The following A1CF variants were observed in gnomAD, a reference collection of about 807,000 sequenced individuals.
A1CF encodes APOBEC-1 stimulating protein.
In A1CF, 48 loss-of-function variants were observed where a neutral mutation model predicts 68.9. That is an observed-to-expected ratio of 0.70 (90% CI 0.55 to 0.89). A1CF has a LOEUF of 0.89. Ranked by LOEUF, A1CF falls within the 40% of genes least tolerant of loss-of-function variation. A1CF has a pLI of 0.00. For synonymous variants in A1CF, 272 were observed against 260.4 expected, an observed-to-expected ratio of 1.04 and a Z score of -0.43; for missense variants, 653 against 718.9, an observed-to-expected ratio of 0.91 and a Z score of 1.05.
Position 50,806,669 on chromosome 10 carries a change from T to C in A1CF, c.*60A>G. 1.3e-6 allele frequency: 2 copies of C among 1,487,324 alleles called. No homozygotes were observed. The highest frequency in any genetic ancestry group is 1.8e-6 in the Non-Finnish European group (2 of 1,112,764). The allele number at this position is 1,487,324 out of a possible 1,614,324, so 92.1% of individuals were successfully genotyped here. A position where few individuals can be genotyped will look rare whatever the true frequency, so the allele number is the denominator to read the frequency against. On this transcript the variant is annotated 3_prime_UTR_variant, in exon 13 of 13. Transcript: ENST00000373997. ...CATTGGGGACCGAGTTAGAGGTTTA[T>C]TTCTTTTTTTTTTTTAATAGAGTTT...
At position 50,840,196 on chromosome 10, in the gene A1CF, A is replaced by G. The variant is rs139832273; in HGVS notation, c.365+1666T>C. On this transcript the variant is annotated intron_variant, in intron 5 of 12. Coordinates refer to ENST00000373997, the MANE Select transcript of A1CF (RefSeq NM_014576.4). ...TCAAATTTAAGATCTACCCATTTTA[A>G]GGTGCAGTTCTCTTTCAGAAGGGGA... Among the ~76,000 whole-genome samples, 819 of 152,242 alleles carry G rather than the reference A, an allele frequency of 5.4e-3. 9 individuals are homozygous for G. The highest frequency in any genetic ancestry group is 0.019 in the African/African-American group (804 of 41,534).
intron 8 of A1CF, chr10:50,816,506 G>A (rs1838379545): frequency 1.1e-5 from 6 of 531,898 alleles, no homozygotes; most frequent in Non-Finnish European, 2.0e-5. Context: ...TGACATATTG[G>A]CCAGTGTCCA....
Position 50,814,045 on chromosome 10 carries a change from G to C in A1CF, c.1142-7C>G. 6.2e-7 allele frequency: 1 copy of C among 1,612,966 alleles called. No individual in the cohort carries two copies. Among genetic ancestry groups the C allele is most frequent in the Non-Finnish European group, 8.5e-7 (1 of 1,179,634 alleles). ...CCTCTCACTCCCGCAGCCCCTACAGGTACATTCATGTAAATTTCTAGGAAC... is the reference window on the plus strand; with the variant it reads ...CCTCTCACTCCCGCAGCCCCTACAGCTACATTCATGTAAATTTCTAGGAAC... On this transcript the variant is annotated splice_region_variant and splice_polypyrimidine_tract_variant and intron_variant, in intron 9 of 12. Coordinates refer to ENST00000373997, the MANE Select transcript of A1CF (RefSeq NM_014576.4).
intron 3 of A1CF, among the ~76,000 whole-genome samples, chr10:50,850,473 A>C (rs1448088601): frequency 6.6e-6 from 1 of 152,274 alleles, no homozygotes; most frequent in Non-Finnish European, 1.5e-5. Flanking sequence ...CATTCATAAG[A>C]ATATTGAATT....
chr10:50,832,156 A>G (rs1463087966), intron 6 of A1CF, among the ~76,000 whole-genome samples: 1 of 152,226 alleles, frequency 6.6e-6, no homozygotes, highest in African/African-American at 2.4e-5. Flanking sequence ...ATGGTATGGA[A>G]TCAACCTAAA....
In A1CF at chr10:50,813,839, T is replaced by C. The variant is rs1381044093; in HGVS notation, c.1323+18A>G. 1.9e-6 allele frequency: 3 copies of C among 1,609,516 alleles called. No individual in the cohort carries two copies. The highest frequency in any genetic ancestry group is 2.2e-5 in the South Asian group (2 of 90,962). ...TGGCACAACTTAAAGAAACTATTTC[T>C]GGAATAACATTACCTACCTGGGGAG... On this transcript the variant is annotated intron_variant, in intron 10 of 12. Coordinates refer to ENST00000373997, the MANE Select transcript of A1CF (RefSeq NM_014576.4).
chr10:50,836,090 C>T lies in A1CF; in HGVS notation c.588G>A (p.Arg196=), dbSNP rs1839474331. ...YESHRAAAMA[R]RKLLPGRIQL... Reference sequence around the variant, plus strand: ...ATTGCTAACCTGGTAGCAGTTTCCTCCTCGCCATGGCAGCTGCTCGATGAC... The same window carrying T: ...ATTGCTAACCTGGTAGCAGTTTCCTTCTCGCCATGGCAGCTGCTCGATGAC... The change falls in exon 6 of 13, where the codon AGG becomes AGA. Residue 196 remains arginine, a synonymous_variant. Transcript: ENST00000373997. 1 of 1,609,480 alleles carries T rather than the reference C, an allele frequency of 6.2e-7. No homozygotes were observed. The highest frequency in any genetic ancestry group is 8.5e-7 in the Non-Finnish European group (1 of 1,177,592).
chr10:50,810,087 A>T, intron 11 of A1CF, 45 bp from the exon 12 acceptor site: 1 of 1,606,390 alleles, frequency 6.2e-7, no homozygotes, highest in Admixed American at 1.7e-5. Context: ...AACTGGTACA[A>T]CTGAGTCAGG....
At chr10:50,854,672 A>G (rs944913140) in intron 3 of A1CF, among the ~76,000 whole-genome samples, 2 of 151,902 alleles carry the variant, frequency 1.3e-5, no homozygotes, top group African/African-American at 4.8e-5. Context: ...CCCACTTTAT[A>G]TGAACTTTAG....
intron 6 of A1CF, among the ~76,000 whole-genome samples, chr10:50,835,656 G>C (rs538847095): frequency 2.6e-5 from 4 of 152,238 alleles, no homozygotes; most frequent in Non-Finnish European, 5.9e-5. Flanking sequence ...CATAATGAAA[G>C]TATGTCACCT....
In A1CF at chr10:50,802,535, A is replaced by T. The variant is rs1397256058; in HGVS notation, c.*4194T>A. The T allele has an allele frequency of 6.6e-6, 1 of 152,218 alleles. No homozygotes were observed. The highest frequency in any genetic ancestry group is 1.5e-5 in the Non-Finnish European group (1 of 68,016). The allele number at this position is 152,218 out of a possible 1,614,324, so 9.4% of individuals were successfully genotyped here. On this transcript the variant is annotated 3_prime_UTR_variant, in exon 13 of 13. Coordinates refer to ENST00000373997, the MANE Select transcript of A1CF (RefSeq NM_014576.4). The stretch of plus-strand genomic sequence containing the variant: ...GAAAGTGTATCTACAATACATAAAA[A>T]GTGCCAAGTTTCTAGTCTAATTTTT...
intron 1 of A1CF, among the ~76,000 whole-genome samples, chr10:50,884,425 G>A (rs559431869): frequency 2.0e-5 from 3 of 152,166 alleles, no homozygotes; most frequent in Non-Finnish European, 4.4e-5. Context: ...TAAGTCATTT[G>A]TCTCTTTCTC....
chr10:50,818,550 T>C (rs939226698), intron 8 of A1CF, among the ~76,000 whole-genome samples: 5 of 152,168 alleles, frequency 3.3e-5, no homozygotes, highest in Non-Finnish European at 7.4e-5. Flanking sequence ...GTGATGGCTG[T>C]TCCTTCCCAG....
chr10:50,862,064 C>A (rs1443417953), intron 2 of A1CF, among the ~76,000 whole-genome samples: 1 of 151,800 alleles, frequency 6.6e-6, no homozygotes, highest in Non-Finnish European at 1.5e-5. Context: ...AGATAAGCAT[C>A]ATTTAGAAAG....
intron 7 of A1CF, chr10:50,824,650 G>A (rs368596347): frequency 1.3e-5 from 2 of 150,376 alleles, no homozygotes; most frequent in East Asian, 3.8e-4. Context: ...TGCCTGGCAT[G>A]TAGGAGCTAC....
In A1CF at chr10:50,802,332, G is replaced by T. The variant is rs376351175; in HGVS notation, c.*4397C>A. ...AGTTTAACAAAACCTGATTGACAAT[G>T]GTTGCACGTCAGGTAGGAATATTTA... On this transcript the variant is annotated 3_prime_UTR_variant, in exon 13 of 13. Transcript: ENST00000373997. 7.9e-5 allele frequency: 12 copies of T among 152,230 alleles called. No individual in the cohort carries two copies. The highest frequency in any genetic ancestry group is 2.9e-4 in the African/African-American group (12 of 41,550). 9.4% of individuals were successfully genotyped at this position (152,230 alleles called of 1,614,324 possible).
At position 50,836,319 on chromosome 10, in the gene A1CF, A is replaced by C. The variant is rs1462627124; in HGVS notation, c.366-7T>G. 6.2e-7 allele frequency: 1 copy of C among 1,608,724 alleles called. No individual in the cohort carries two copies. Among genetic ancestry groups the C allele is most frequent in the African/African-American group, 1.3e-5 (1 of 74,430 alleles). ...CCCTAAGAGGCGCCCATTTCTGCAA[A>C]AAGAGCAGGGATTTTGATTGATGAG... On this transcript the variant is annotated splice_region_variant and splice_polypyrimidine_tract_variant and intron_variant, in intron 5 of 12. Coordinates refer to ENST00000373997, the MANE Select transcript of A1CF (RefSeq NM_014576.4).
At chr10:50,815,970 T>C in intron 9 of A1CF, 36 bp downstream of exon 9, 1 of 1,601,370 alleles carries the variant, frequency 6.2e-7, no homozygotes, top group Non-Finnish European at 8.5e-7. Flanking sequence ...TTTGAAATCT[T>C]GGGATTACTC....
At position 50,850,558 on chromosome 10, in the gene A1CF, C is replaced by A. The variant is rs903118589; in HGVS notation, c.100-6436G>T. 67 of 1,372,076 alleles carry A rather than the reference C, an allele frequency of 4.9e-5. 1 individual carries two copies. Among genetic ancestry groups the A allele is most frequent in the Non-Finnish European group, 6.4e-5 (62 of 966,446 alleles). The allele number at this position is 1,372,076 out of a possible 1,614,324, so 85.0% of individuals were successfully genotyped here. A position where few individuals can be genotyped will look rare whatever the true frequency, so the allele number is the denominator to read the frequency against. On this transcript the variant is annotated intron_variant, in intron 3 of 12. Coordinates refer to ENST00000373997, the MANE Select transcript of A1CF (RefSeq NM_014576.4). ...AAAATTACAAAACAGAAAACTTATTCGAGTGTTTTTCAAAATTAGAAAACA... is the reference window on the plus strand; with the variant it reads ...AAAATTACAAAACAGAAAACTTATTAGAGTGTTTTTCAAAATTAGAAAACA...
Sources: allele counts gnomAD v4.1 joint callset (sites outside exome capture counted in the v4.1 genomes callset), GRCh38; gene constraint gnomAD v4.1.1; transcripts MANE v1.5; gene names NCBI Gene and HGNC (gene_info 2026-07-23, HGNC 2026-07-21).